HPCAL1: variants seen among roughly 807,000 people sequenced by gnomAD.
The protein encoded by HPCAL1 is hippocalcin-like protein 1.
Under a neutral mutation model 17.1 loss-of-function variants are expected in HPCAL1, and 8 were observed. The observed-to-expected ratio is 0.47, with a 90% confidence interval of 0.27 to 0.84. HPCAL1 has a LOEUF of 0.84. HPCAL1 is among the 40% of genes least tolerant of loss of function. The pLI is 0.13. For synonymous variants in HPCAL1, 112 were observed against 111.4 expected, an observed-to-expected ratio of 1.01 and a Z score of -0.03; for missense variants, 165 against 271.1, an observed-to-expected ratio of 0.61 and a Z score of 2.75.
At chr2:10,369,822 A>G (rs979708658) in intron 1 of HPCAL1, among the ~76,000 whole-genome samples, 1 of 152,262 alleles carries the variant, frequency 6.6e-6, no homozygotes, top group Non-Finnish European at 1.5e-5. Flanking sequence ...CAAAGGAGGC[A>G]TAGAAGTTCA....
At chr2:10,305,448 G>C (rs913388928) in intron 1 of HPCAL1, among the ~76,000 whole-genome samples, 21 of 152,340 alleles carry the variant, frequency 1.4e-4, no homozygotes, top group African/African-American at 4.8e-4. Flanking sequence ...GGGAAGGCCC[G>C]GGGGCCCTGC....
At chr2:10,351,216 C>T (rs1665824302) in intron 1 of HPCAL1, among the ~76,000 whole-genome samples, 3 of 152,200 alleles carry the variant, frequency 2.0e-5, no homozygotes, top group Non-Finnish European at 4.4e-5. Flanking sequence ...TGGAATATCA[C>T]TGAGCAGTAA....
chr2:10,418,340 G>GCA (rs1670804651), intron 2 of HPCAL1, among the ~76,000 whole-genome samples: 1 of 151,058 alleles, frequency 6.6e-6, no homozygotes, highest in Admixed American at 6.6e-5. Context: ...AGGCTGAGTT[G>GCA]GGAGGATTGC....
intron 4 of HPCAL1, chr2:10,424,168 G>T (rs1057252828): frequency 1.8e-5 from 5 of 272,054 alleles, no homozygotes; most frequent in African/African-American, 1.1e-4. Context: ...AAGCTGCTCT[G>T]CGAAGTCTGG....
intron 3 of HPCAL1, 118 bp from the exon 4 acceptor site, chr2:10,422,865 G>C: frequency 1.5e-6 from 1 of 665,736 alleles, no homozygotes; most frequent in Non-Finnish European, 2.7e-6. Context: ...GGTCCCGAAG[G>C]CCACCGGGAG....
intron 1 of HPCAL1, among the ~76,000 whole-genome samples, chr2:10,358,507 C>A (rs749820958): frequency 6.6e-6 from 1 of 152,220 alleles, no homozygotes; most frequent in Non-Finnish European, 1.5e-5. Flanking sequence ...CCACCACACT[C>A]CCATCCTGTG....
chr2:10,311,717 CT>C (rs761259816), intron 1 of HPCAL1, among the ~76,000 whole-genome samples: 18 of 152,086 alleles, frequency 1.2e-4, no homozygotes, highest in Non-Finnish European at 2.2e-4. Context: ...CTCCTTCCCC[CT>C]GTGGTTTGTG....
chr2:10,342,045 C>CT lies in HPCAL1; in HGVS notation c.-111+38869dup, dbSNP rs1665124653. Reference sequence around the variant, plus strand: ...AGCCAGATGTGGTGGTGGTGTGCTCCTGTAGTCCCAGCTACTTGGGAGGCT... The same window carrying CT: ...AGCCAGATGTGGTGGTGGTGTGCTCCTTGTAGTCCCAGCTACTTGGGAGGCT... On this transcript the variant is annotated intron_variant, in intron 1 of 4. Transcript: ENST00000307845. This position sits in a 1 kb window ranked among gnomAD's most constrained non-coding sequence, Gnocchi z 4.1. Among the ~76,000 whole-genome samples, 1 of 151,118 alleles carries CT rather than the reference C, an allele frequency of 6.6e-6. No homozygotes were observed. The highest frequency in any genetic ancestry group is 2.4e-5 in the African/African-American group (1 of 40,978).
chr2:10,424,166 C>T, intron 4 of HPCAL1: 1 of 269,858 alleles, frequency 3.7e-6, no homozygotes, highest in South Asian at 3.9e-5. Context: ...AGAAGCTGCT[C>T]TGCGAAGTCT....
chr2:10,307,879 T>G (rs958281263), intron 1 of HPCAL1, among the ~76,000 whole-genome samples: 3 of 152,230 alleles, frequency 2.0e-5, no homozygotes, highest in African/African-American at 7.2e-5. Context: ...CCCACTGTCT[T>G]CTGCCTCCCC....
chr2:10,421,242 A>C (rs1671045049), intron 3 of HPCAL1, among the ~76,000 whole-genome samples: 1 of 152,238 alleles, frequency 6.6e-6, no homozygotes, highest in African/African-American at 2.4e-5. Context: ...ACGTCACTTT[A>C]GGAGGCATCT....
intron 2 of HPCAL1, among the ~76,000 whole-genome samples, chr2:10,397,297 G>A (rs1669116378): frequency 6.6e-6 from 1 of 152,142 alleles, no homozygotes; most frequent in African/African-American, 2.4e-5. Context: ...CTGTCTTAGT[G>A]TCCGGGTTTC....
At chr2:10,332,589 G>A (rs754408899) in intron 1 of HPCAL1, among the ~76,000 whole-genome samples, 11 of 152,182 alleles carry the variant, frequency 7.2e-5, no homozygotes, top group Non-Finnish European at 1.6e-4. Flanking sequence ...AGAGTCAGAC[G>A]CTTGTTAAAA....
intron 1 of HPCAL1, among the ~76,000 whole-genome samples, chr2:10,364,272 C>T (rs1362848321): frequency 1.3e-5 from 2 of 152,200 alleles, no homozygotes; most frequent in African/African-American, 2.4e-5. Flanking sequence ...TCCGGGGGTC[C>T]CTCCGGGAAG....
rs1031010947 is a variant in HPCAL1 at position 10,377,448 on chromosome 2, C to T, written c.-110-19387C>T. On this transcript the variant is annotated intron_variant, in intron 1 of 4. Coordinates refer to ENST00000307845, the MANE Select transcript of HPCAL1 (RefSeq NM_002149.4). This position sits in a 1 kb window ranked among gnomAD's most constrained non-coding sequence, Gnocchi z 5.9. ...AGTACAGTCAACAACTCTCACTCGC[C>T]GCGGGCACCTGCTGTGCCCACCTGC... Among the ~76,000 whole-genome samples the T allele has an allele frequency of 3.2e-4, 49 of 152,344 alleles. No homozygotes were observed. In the Middle Eastern group the frequency reaches 0.01, roughly 32 times the overall value.
chr2:10,307,651 A>G (rs1200436961), intron 1 of HPCAL1, among the ~76,000 whole-genome samples: 1 of 152,104 alleles, frequency 6.6e-6, no homozygotes, highest in Non-Finnish European at 1.5e-5. Context: ...AGAGTTTTGG[A>G]GCTCTTTCTC....
chr2:10,324,382 G>A lies in HPCAL1; in HGVS notation c.-111+21205G>A, dbSNP rs570967083. 3.3e-5 allele frequency: 5 copies of A among 152,310 alleles called. No homozygotes were observed. In the South Asian group the frequency reaches 1.0e-3, roughly 32 times the overall value. 9.4% of individuals were successfully genotyped at this position (152,310 alleles called of 1,614,324 possible). ...ACGGAGTTCTCTGGAGTCAGGTCTG[G>A]GGCCAGGAGACCTGGTGAGCAAAAA... On this transcript the variant is annotated intron_variant, in intron 1 of 4. Coordinates refer to ENST00000307845, the MANE Select transcript of HPCAL1 (RefSeq NM_002149.4).
At chr2:10,318,617 G>A (rs1360152931) in intron 1 of HPCAL1, among the ~76,000 whole-genome samples, 1 of 152,144 alleles carries the variant, frequency 6.6e-6, no homozygotes, top group Non-Finnish European at 1.5e-5. Context: ...GGCCGGGTGG[G>A]CTCGGTTTTC....
Position 10,331,056 on chromosome 2 carries a change from C to T in HPCAL1, c.-111+27879C>T, listed in dbSNP as rs1308737098. ...GGCTTCTTCCTCATCCCGCCTCTCGCTCCATCTCGTGGCCTCCCATCTGCT... is the reference window on the plus strand; with the variant it reads ...GGCTTCTTCCTCATCCCGCCTCTCGTTCCATCTCGTGGCCTCCCATCTGCT... On this transcript the variant is annotated intron_variant, in intron 1 of 4. Coordinates refer to ENST00000307845, the MANE Select transcript of HPCAL1 (RefSeq NM_002149.4). This position sits in a 1 kb window ranked among gnomAD's most constrained non-coding sequence, Gnocchi z 5.0. 1.3e-5 allele frequency among the ~76,000 whole-genome samples: 2 copies of T among 152,184 alleles called. No homozygotes were observed. Among genetic ancestry groups the T allele is most frequent in the Admixed American group, 6.5e-5 (1 of 15,282 alleles).
Sources: allele counts gnomAD v4.1 joint callset (sites outside exome capture counted in the v4.1 genomes callset), GRCh38; gene constraint gnomAD v4.1.1; non-coding constraint Gnocchi (gnomAD v3.1); transcripts MANE v1.5; gene names NCBI Gene and HGNC (gene_info 2026-07-23, HGNC 2026-07-21).